LONRF3: variants seen among roughly 807,000 people sequenced by gnomAD.
LONRF3 encodes the protein LON peptidase N-terminal domain and RING finger protein 3.
Under a neutral mutation model 51.7 loss-of-function variants are expected in LONRF3, and 19 were observed. The observed-to-expected ratio is 0.37, with a 90% CI of 0.26 to 0.54. LONRF3 has a LOEUF of 0.54. Among genes scored for constraint, LONRF3 ranks in the 20% least tolerant of loss-of-function variants. LONRF3 has a pLI of 0.86. For synonymous variants in LONRF3, 265 were observed against 257.8 expected, an observed-to-expected ratio of 1.03 and a Z score of -0.27; for missense variants, 521 against 623.9, an observed-to-expected ratio of 0.84 and a Z score of 1.76.
intron 8 of LONRF3, 110 bp downstream of exon 8, chrX:119,012,083 C>A: frequency 2.6e-6 from 2 of 765,427 alleles, no homozygotes; most frequent in Non-Finnish European, 3.8e-6. Flanking sequence ...GTTTAGCCAA[C>A]TGAAGAATAT....
intron 8 of LONRF3, chrX:119,012,767 G>A (rs988483543): frequency 1.7e-5 from 9 of 526,749 alleles, no homozygotes; most frequent in Admixed American, 4.3e-5. Flanking sequence ...ATTTCAAAAT[G>A]GGTTGTAGAG....
At chrX:118,995,484 C>T (rs1473466390) in intron 5 of LONRF3, among the ~76,000 whole-genome samples, 2 of 111,678 alleles carry the variant, frequency 1.8e-5, no homozygotes, top group South Asian at 3.7e-4. Flanking sequence ...AAGGAAATAA[C>T]CAAGATCAGA....
intron 7 of LONRF3, among the ~76,000 whole-genome samples, chrX:119,011,509 C>G (rs748482898): frequency 8.9e-6 from 1 of 112,068 alleles, no homozygotes; most frequent in Non-Finnish European, 1.9e-5. Context: ...TAGCTATCAT[C>G]CACAATATTA....
chrX:119,008,431 G>A (rs1282582267), intron 6 of LONRF3, among the ~76,000 whole-genome samples: 2 of 111,524 alleles, frequency 1.8e-5, no homozygotes, highest in South Asian at 3.8e-4. Context: ...GGTATGCATC[G>A]GACAGGGGTG....
rs1925559992 is a variant in LONRF3, at chrX:119,017,791, G to T, written c.*101G>T. On this transcript the variant is annotated 3_prime_UTR_variant, in exon 11 of 11. Coordinates refer to ENST00000371628, the MANE Select transcript of LONRF3 (RefSeq NM_001031855.3). ...TGCAATAATATCTTAACAGAAGGGG[G>T]TGTCAAACAGAGGCATCAGCCTGCT... is the stretch of plus-strand genomic sequence containing the variant. 1.2e-6 allele frequency: 1 copy of T among 805,824 alleles called. No homozygotes were observed. The highest frequency in any genetic ancestry group is 1.7e-6 in the Non-Finnish European group (1 of 581,415). 66.4% of individuals were successfully genotyped at this position (805,824 alleles called of 1,213,427 possible).
At chrX:119,006,398 CTT>C (rs1042593971) in intron 6 of LONRF3, among the ~76,000 whole-genome samples, 163 bp downstream of exon 6, 34 of 86,739 alleles carry the variant, frequency 3.9e-4, no homozygotes, top group Non-Finnish European at 6.6e-4. Flanking sequence ...CTCCTGTCTT[CTT>C]TTTTTTTTTT....
intron 2 of LONRF3, among the ~76,000 whole-genome samples, chrX:118,978,998 C>CT (rs36016675): frequency 0.019 from 1,058 of 56,071 alleles, 32 homozygotes; most frequent in African/African-American, 0.039. Flanking sequence ...TGTTTTCTTT[C>CT]TTTTTTTTTT....
chrX:119,011,276 C>T (rs1925092596), intron 7 of LONRF3, among the ~76,000 whole-genome samples: 1 of 110,883 alleles, frequency 9.0e-6, no homozygotes, highest in South Asian at 3.9e-4. Flanking sequence ...ATTATTCTTG[C>T]CTATCTCTTG....
Position 118,975,409 on chromosome X carries a change from G to A in LONRF3, c.629G>A (p.Arg210His). The A allele has an allele frequency of 1.1e-5, 13 of 1,197,821 alleles. No homozygotes were observed. Among genetic ancestry groups the A allele is most frequent in the Non-Finnish European group, 1.5e-5 (13 of 888,805 alleles). Residue 210 changes from arginine (R) to histidine (H), a missense_variant, in exon 1 of 11, where the codon CGT (arginine) becomes CAT (histidine). Physicochemically the swap from Arg to His is conservative, Grantham distance 29. This residue lies in a region of LONRF3 where 376 missense variants were observed against 376.7 expected (regional missense o/e 1.00). Transcript: ENST00000371628. ...SALMVATGRA[R>H]GARRAGQQPP... ...TTGATGGTGGCCACTGGGCGGGCGC[G>A]TGGAGCCCGGCGGGCTGGGCAGCAG...
At chrX:119,005,203 T>C (rs1924623128) in intron 5 of LONRF3, among the ~76,000 whole-genome samples, 1 of 111,534 alleles carries the variant, frequency 9.0e-6, no homozygotes, top group African/African-American at 3.3e-5. Flanking sequence ...GGTCTTTCCC[T>C]TCTTCCTGTG....
intron 2 of LONRF3, among the ~76,000 whole-genome samples, chrX:118,980,839 G>A (rs1603246631): frequency 9.0e-6 from 1 of 111,596 alleles, no homozygotes; most frequent in Non-Finnish European, 1.9e-5. Context: ...AAGCAGTGAA[G>A]CATTTTGGAT....
At chrX:119,014,385 G>A in intron 10 of LONRF3, 29 bp downstream of exon 10, 1 of 1,186,480 alleles carries the variant, frequency 8.4e-7, no homozygotes, top group South Asian at 1.9e-5. Context: ...TTTTAAACGG[G>A]TTGTCCCACT....
At chrX:119,016,754 G>A (rs1187171318) in intron 10 of LONRF3, among the ~76,000 whole-genome samples, 1 of 111,960 alleles carries the variant, frequency 8.9e-6, no homozygotes, top group African/African-American at 3.2e-5. Flanking sequence ...CAGGGGAGAA[G>A]AGAGCTATGG....
chrX:119,004,485 A>G (rs1924567741), intron 5 of LONRF3, among the ~76,000 whole-genome samples: 1 of 112,517 alleles, frequency 8.9e-6, no homozygotes, highest in South Asian at 3.7e-4. Context: ...CTATGCAGAG[A>G]TTAATGGGAT....
At chrX:118,980,390 T>C (rs768071296) in intron 2 of LONRF3, among the ~76,000 whole-genome samples, 1 of 112,203 alleles carries the variant, frequency 8.9e-6, no homozygotes, top group Non-Finnish European at 1.9e-5. Context: ...TATATCAGTT[T>C]AGGTCAGGTT....
chrX:118,979,249 C>T lies in LONRF3; in HGVS notation c.936+786C>T, dbSNP rs576346016. On this transcript the variant is annotated intron_variant, in intron 2 of 10. Coordinates refer to ENST00000371628, the MANE Select transcript of LONRF3 (RefSeq NM_001031855.3). ...CGATCTCCTGACCTCATGATCCGCC[C>T]GCCTTGGCCTCCCAAAGTGCTGGGA... 4.6e-4 allele frequency among the ~76,000 whole-genome samples: 50 copies of T among 109,872 alleles called. No individual in the cohort carries two copies. The South Asian group carries it at 0.011, about 24-fold the overall frequency.
At chrX:118,993,843 A>T (rs1171006672) in intron 5 of LONRF3, among the ~76,000 whole-genome samples, 2 of 112,100 alleles carry the variant, frequency 1.8e-5, no homozygotes, top group African/African-American at 6.5e-5. Flanking sequence ...GAAACCCTAA[A>T]AGCTAGAAGG....
intron 4 of LONRF3, 60 bp from the exon 5 acceptor site, chrX:118,990,410 A>C (rs948285303): frequency 1.0e-5 from 9 of 898,372 alleles, no homozygotes; most frequent in African/African-American, 7.9e-5. Flanking sequence ...TTTGCCTCAG[A>C]AGTACTATCT....
At chrX:118,988,787 A>G (rs996835133) in intron 3 of LONRF3, among the ~76,000 whole-genome samples, 5 of 103,160 alleles carry the variant, frequency 4.8e-5, no homozygotes, top group African/African-American at 1.8e-4. Context: ...TTTTTTTGCC[A>G]GGTGATTTTG....
Sources: gnomAD v4.1 joint callset for allele counts (sites outside exome capture counted in the v4.1 genomes callset) on GRCh38, gnomAD v4.1.1 for gene constraint, gnomAD v4.1.1 regional missense constraint, MANE v1.5 for transcripts, NCBI Gene and HGNC (gene_info 2026-07-23, HGNC 2026-07-21) for gene names.